The following CSRNP3 variants were observed in gnomAD, a reference collection of about 807,000 sequenced individuals.
The protein encoded by CSRNP3 is cysteine/serine-rich nuclear protein 3.
Under a neutral mutation model 48.0 loss-of-function variants are expected in CSRNP3, and 12 were observed. The ratio of observed to expected loss-of-function variants is 0.25; its 90% CI spans 0.16 to 0.41. The LOEUF (loss-of-function observed/expected upper bound fraction) is 0.41. CSRNP3 is among the 10% of genes least tolerant of loss of function. The pLI is 1.00. For missense variants in CSRNP3, 580 were observed against 724.4 expected (o/e 0.80, Z 2.29); for synonymous variants, 263 against 269.7 (o/e 0.98, Z 0.24).
intron 3 of CSRNP3, among the ~76,000 whole-genome samples, chr2:165,523,547 C>T (rs1377658747): frequency 6.6e-6 from 1 of 152,164 alleles, no homozygotes; most frequent in Non-Finnish European, 1.5e-5. Context: ...GCACGGATGA[C>T]CCACAGCCCT....
intron 4 of CSRNP3, among the ~76,000 whole-genome samples, chr2:165,632,112 T>G (rs1686548059): frequency 6.6e-6 from 1 of 152,178 alleles, no homozygotes; most frequent in African/African-American, 2.4e-5. Context: ...TAATAGAAAA[T>G]TATTAAACAT....
At chr2:165,478,397 C>T (rs988969302) in intron 1 of CSRNP3, among the ~76,000 whole-genome samples, 40 of 152,020 alleles carry the variant, frequency 2.6e-4, no homozygotes, top group Admixed American at 2.6e-3. Flanking sequence ...TTTTCTCTCC[C>T]CCATGTTGTG....
intron 4 of CSRNP3, among the ~76,000 whole-genome samples, chr2:165,643,763 C>A (rs1686766490): frequency 6.6e-6 from 1 of 152,186 alleles, no homozygotes; most frequent in Non-Finnish European, 1.5e-5. Context: ...GATCCATCAA[C>A]TAGGCCTTCT....
At chr2:165,599,319 A>AAGAAAG (rs1332496867) in intron 4 of CSRNP3, among the ~76,000 whole-genome samples, 3 of 150,420 alleles carry the variant, frequency 2.0e-5, no homozygotes, top group African/African-American at 7.3e-5. Flanking sequence ...GAAAGAAAGA[A>AAGAAAG]AGAAAGAAAG....
At chr2:165,485,469 A>T (rs1256928094) in intron 1 of CSRNP3, among the ~76,000 whole-genome samples, 1 of 152,230 alleles carries the variant, frequency 6.6e-6, no homozygotes, top group African/African-American at 2.4e-5. Context: ...CAATATTTCT[A>T]AAACTGTCAA....
At chr2:165,676,217 G>C in intron 5 of CSRNP3, 95 bp from the exon 6 acceptor site, 1 of 863,180 alleles carries the variant, frequency 1.2e-6, no homozygotes, top group Non-Finnish European at 1.9e-6. Flanking sequence ...ATGAGGACAT[G>C]ATGATATATA....
rs2105370083 is a variant in CSRNP3 at position 165,683,140 on chromosome 2, T to G, written c.*3387T>G. 6.6e-6 allele frequency: 1 copy of G among 152,276 alleles called. No individual in the cohort carries two copies. 9.4% of individuals were successfully genotyped at this position (152,276 alleles called of 1,614,324 possible). A position where few individuals can be genotyped will look rare whatever the true frequency, so the allele number is the denominator to read the frequency against. ...AGAGATTTACTTAAGTTTTTCCTCC[T>G]TATCTCTTGATCATTAATTATTAAG... On this transcript the variant is annotated 3_prime_UTR_variant, in exon 7 of 7. Transcript: ENST00000651982.
chr2:165,583,385 TC>T (rs766188040), intron 3 of CSRNP3, among the ~76,000 whole-genome samples: 1 of 152,124 alleles, frequency 6.6e-6, no homozygotes, highest in Non-Finnish European at 1.5e-5. Context: ...GAAAGGAGCA[TC>T]CCCCAACATG....
intron 4 of CSRNP3, among the ~76,000 whole-genome samples, chr2:165,604,773 G>C (rs1685980732): frequency 6.6e-6 from 1 of 152,096 alleles, no homozygotes; most frequent in South Asian, 2.1e-4. Flanking sequence ...GGAAAAAAGG[G>C]CATTACTAAG....
intron 4 of CSRNP3, among the ~76,000 whole-genome samples, chr2:165,643,084 T>G (rs1686751979): frequency 6.6e-6 from 1 of 152,196 alleles, no homozygotes; most frequent in South Asian, 2.1e-4. Flanking sequence ...CACTATGAGC[T>G]AAATTACAAA....
chr2:165,569,136 A>T (rs1685335911), intron 3 of CSRNP3, among the ~76,000 whole-genome samples: 1 of 152,040 alleles, frequency 6.6e-6, no homozygotes, highest in Non-Finnish European at 1.5e-5. Flanking sequence ...CTTCTCAATA[A>T]ATGTTTGTTA....
At chr2:165,556,072 A>T (rs142196207) in intron 3 of CSRNP3, among the ~76,000 whole-genome samples, 1 of 152,158 alleles carries the variant, frequency 6.6e-6, no homozygotes, top group Non-Finnish European at 1.5e-5. Flanking sequence ...GACCGGTGCC[A>T]TGGTCTCTTT....
chr2:165,641,829 T>C (rs1686725772), intron 4 of CSRNP3, among the ~76,000 whole-genome samples: 1 of 152,146 alleles, frequency 6.6e-6, no homozygotes. Flanking sequence ...TAAAAGAAGT[T>C]GGATCCTGCT....
At chr2:165,565,731 A>C (rs187753663) in intron 3 of CSRNP3, among the ~76,000 whole-genome samples, 1 of 152,052 alleles carries the variant, frequency 6.6e-6, no homozygotes, top group Non-Finnish European at 1.5e-5. Flanking sequence ...ACATTTGCCT[A>C]AAGGAGAAAT....
intron 4 of CSRNP3, among the ~76,000 whole-genome samples, chr2:165,656,560 GAAGAAA>G (rs1687008685): frequency 6.6e-6 from 1 of 151,948 alleles, no homozygotes; most frequent in African/African-American, 2.4e-5. Flanking sequence ...AAAATAAGAA[GAAGAAA>G]AAGTAGTTCT....
At chr2:165,635,798 A>T (rs1340756842) in intron 4 of CSRNP3, among the ~76,000 whole-genome samples, 1 of 152,200 alleles carries the variant, frequency 6.6e-6, no homozygotes, top group Non-Finnish European at 1.5e-5. Context: ...ACAATTCTAT[A>T]GGATTAAACA....
chr2:165,574,316 A>C (rs1370962308), intron 3 of CSRNP3: 41 of 1,501,818 alleles, frequency 2.7e-5, no homozygotes, highest in Admixed American at 4.0e-5. Context: ...TGCCTGAAAA[A>C]AATGTACTGG....
chr2:165,669,118 C>T (rs916471037), intron 5 of CSRNP3, among the ~76,000 whole-genome samples: 2 of 152,112 alleles, frequency 1.3e-5, no homozygotes, highest in African/African-American at 2.4e-5. Flanking sequence ...CATCATCATC[C>T]TTATTATAAT....
chr2:165,667,089 G>A (rs865858684), intron 5 of CSRNP3, among the ~76,000 whole-genome samples: 278 of 13,640 alleles, frequency 0.02, no homozygotes, highest in African/African-American at 0.04. Flanking sequence ...GAAAGAAAGA[G>A]AGAGAGAGAA....
Sources: allele counts gnomAD v4.1 joint callset (sites outside exome capture counted in the v4.1 genomes callset), GRCh38; gene constraint gnomAD v4.1.1; transcripts MANE v1.5; gene names NCBI Gene and HGNC (gene_info 2026-07-23, HGNC 2026-07-21).